LRMDA: variants seen among roughly 807,000 people sequenced by gnomAD.
LRMDA encodes leucine-rich melanocyte differentiation-associated protein.
A neutral mutation model predicts 29.8 loss-of-function variants in LRMDA; 18 were observed. That is an observed-to-expected ratio of 0.60 (90% CI 0.42 to 0.90). LRMDA has a LOEUF of 0.90. LRMDA is among the 40% of genes least tolerant of loss of function. The pLI, the probability that LRMDA is intolerant of heterozygous loss-of-function variation, is 0.00. For synonymous variants in LRMDA, 125 were observed against 109.4 expected (o/e 1.14, Z -0.89); for missense variants, 273 against 273.9 (o/e 1.00, Z 0.02).
At chr10:76,488,464 T>C (rs1004976755) in intron 6 of LRMDA, among the ~76,000 whole-genome samples, 3 of 84,756 alleles carry the variant, frequency 3.5e-5, no homozygotes, top group Admixed American at 1.1e-4. Flanking sequence ...TATAATTATT[T>C]TGAGATTCAA....
intron 5 of LRMDA, among the ~76,000 whole-genome samples, chr10:76,182,397 TG>T (rs1232640645): frequency 1.3e-5 from 2 of 152,078 alleles, no homozygotes; most frequent in Non-Finnish European, 2.9e-5. Flanking sequence ...GAGATTTGGG[TG>T]GGGACGCAGA....
At chr10:75,584,421 C>A (rs895373184) in intron 2 of LRMDA, among the ~76,000 whole-genome samples, 1 of 152,154 alleles carries the variant, frequency 6.6e-6, no homozygotes, top group Non-Finnish European at 1.5e-5. Flanking sequence ...TTTCCCCATA[C>A]AATAACATGA....
rs1038884402 is a variant in LRMDA at position 76,238,640 on chromosome 10, T to A, written c.517-85761T>A. Among the ~76,000 whole-genome samples the A allele has an allele frequency of 9.9e-5, 15 of 152,068 alleles. 1 individual carries two copies. The highest frequency in any genetic ancestry group is 7.2e-4 in the Admixed American group (11 of 15,256). On this transcript the variant is annotated intron_variant, in intron 5 of 6. Coordinates refer to ENST00000611255, the MANE Select transcript of LRMDA (RefSeq NM_001305581.2). ...GAGCTGACTTTCCTAACGTCCCTAA[T>A]TGGATAAATAAAGCTAACACAAAGG...
intron 2 of LRMDA, among the ~76,000 whole-genome samples, chr10:75,886,026 C>A (rs901719528): frequency 6.6e-6 from 1 of 152,202 alleles, no homozygotes; most frequent in Admixed American, 6.5e-5. Context: ...AGAATATAAA[C>A]CTGGAAAAGA....
chr10:76,018,384 C>A (rs1847913326), intron 2 of LRMDA, among the ~76,000 whole-genome samples: 1 of 152,094 alleles, frequency 6.6e-6, no homozygotes, highest in Non-Finnish European at 1.5e-5. Flanking sequence ...CAACATAGCC[C>A]CCACTTGAGA....
chr10:75,988,566 A>G (rs1847302808), intron 2 of LRMDA, among the ~76,000 whole-genome samples: 1 of 151,212 alleles, frequency 6.6e-6, no homozygotes, highest in African/African-American at 2.4e-5. Context: ...ACCAAGATTC[A>G]CGCAGACCGG....
chr10:75,850,887 T>C (rs1844720331), intron 2 of LRMDA, among the ~76,000 whole-genome samples: 1 of 152,114 alleles, frequency 6.6e-6, no homozygotes, highest in African/African-American at 2.4e-5. Context: ...GCTACCAGAG[T>C]ATGCAGAGGT....
In LRMDA at chr10:75,684,045, G is replaced by A. The variant is rs1842055082; in HGVS notation, c.131+245551G>A. On this transcript the variant is annotated intron_variant, in intron 2 of 6. Transcript: ENST00000611255. ...TGGAAGATCTTTGGAGATTAGCTCT[G>A]TTATTTCCTGTGCCCCAGAAATCAG... Among the ~76,000 whole-genome samples, 8 of 152,326 alleles carry A rather than the reference G, an allele frequency of 5.3e-5. No homozygotes were observed. The South Asian group carries it at 1.7e-3, about 32-fold the overall frequency.
chr10:76,445,482 T>C (rs1842346013), intron 6 of LRMDA, among the ~76,000 whole-genome samples: 1 of 152,220 alleles, frequency 6.6e-6, no homozygotes, highest in Admixed American at 6.5e-5. Flanking sequence ...TTTATTTGTC[T>C]GTTACCTAAA....
At chr10:76,457,492 A>G (rs1404502157) in intron 6 of LRMDA, among the ~76,000 whole-genome samples, 5 of 139,492 alleles carry the variant, frequency 3.6e-5, no homozygotes, top group Non-Finnish European at 7.9e-5. Context: ...ATTTAGTGCT[A>G]TGCTTTTCAT....
intron 5 of LRMDA, among the ~76,000 whole-genome samples, chr10:76,081,502 A>G (rs1386985971): frequency 1.3e-5 from 2 of 152,214 alleles, no homozygotes; most frequent in Non-Finnish European, 2.9e-5. Context: ...GTGTACATTT[A>G]TATAAAATCA....
chr10:76,280,882 G>A (rs1840194908), intron 5 of LRMDA, among the ~76,000 whole-genome samples: 1 of 152,108 alleles, frequency 6.6e-6, no homozygotes, highest in Non-Finnish European at 1.5e-5. Flanking sequence ...CCTGCCTTCA[G>A]GAAGTTTACC....
intron 2 of LRMDA, chr10:75,743,721 G>C (rs772114598): frequency 1.3e-5 from 2 of 152,138 alleles, no homozygotes; most frequent in Admixed American, 6.5e-5. Context: ...AAAGGAAATG[G>C]GTTCATGTTT....
Position 76,313,687 on chromosome 10 carries a change from G to A in LRMDA, c.517-10714G>A, listed in dbSNP as rs553320962. ...GCCAAGTCTCTGGGAAAAAAAGTGT[G>A]TGTGTATACACATGCATATATAATA... is the stretch of plus-strand genomic sequence containing the variant. On this transcript the variant is annotated intron_variant, in intron 5 of 6. Coordinates refer to ENST00000611255, the MANE Select transcript of LRMDA (RefSeq NM_001305581.2). 9.2e-5 allele frequency among the ~76,000 whole-genome samples: 14 copies of A among 152,270 alleles called. No homozygotes were observed. In the South Asian group the frequency reaches 1.0e-3, roughly 11 times the overall value.
chr10:76,453,367 A>G (rs931974960), intron 6 of LRMDA, among the ~76,000 whole-genome samples: 2 of 152,206 alleles, frequency 1.3e-5, no homozygotes, highest in Non-Finnish European at 2.9e-5. Context: ...GGCAAAGTGT[A>G]TATGAATTCA....
chr10:75,818,094 C>T (rs1844091831), intron 2 of LRMDA, among the ~76,000 whole-genome samples: 1 of 152,164 alleles, frequency 6.6e-6, no homozygotes, highest in Admixed American at 6.5e-5. Flanking sequence ...CTGTGCATCC[C>T]TTTTTATTTG....
chr10:75,728,926 G>A (rs1842663058), intron 2 of LRMDA, among the ~76,000 whole-genome samples: 1 of 152,130 alleles, frequency 6.6e-6, no homozygotes, highest in Non-Finnish European at 1.5e-5. Context: ...CTCTCATCGT[G>A]TCTCAGTCCT....
At chr10:76,077,539 G>C (rs1848979404) in intron 5 of LRMDA, among the ~76,000 whole-genome samples, 1 of 152,008 alleles carries the variant, frequency 6.6e-6, no homozygotes, top group South Asian at 2.1e-4. Context: ...TCTCTATCAG[G>C]GACATGGTCA....
At chr10:76,482,846 A>G (rs1271119201) in intron 6 of LRMDA, among the ~76,000 whole-genome samples, 1 of 151,988 alleles carries the variant, frequency 6.6e-6, no homozygotes, top group Non-Finnish European at 1.5e-5. Context: ...ATACCAATTC[A>G]GCAGCATATG....
Sources: gnomAD v4.1 joint callset for allele counts (sites outside exome capture counted in the v4.1 genomes callset) on GRCh38, gnomAD v4.1.1 for gene constraint, MANE v1.5 for transcripts, NCBI Gene and HGNC (gene_info 2026-07-23, HGNC 2026-07-21) for gene names.